The following NBPF8 variants were observed in gnomAD, a reference collection of about 807,000 sequenced individuals.
NBPF8 encodes the protein NBPF family member NBPF8.
chr1:120,464,473 G>A, exon 23 of NBPF8: 1 of 1,025,102 alleles, frequency 9.8e-7, no homozygotes, highest in Non-Finnish European at 1.5e-6. Flanking sequence ...TGAACAGCCT[G>A]ACTCCTGCCA....
chr1:120,465,984 C>A, exon 25 of NBPF8: 2 of 1,611,888 alleles, frequency 1.2e-6, no homozygotes, highest in Non-Finnish European at 8.5e-7. Flanking sequence ...CCAGGCTCAA[C>A]AGCGTGCTGA....
At chr1:120,420,282 C>T (rs1226956571) in intron 1 of NBPF8, among the ~76,000 whole-genome samples, 164 bp downstream of exon 2, 1 of 151,876 alleles carries the variant, frequency 6.6e-6, no homozygotes, top group Non-Finnish European at 1.5e-5. Context: ...AACAAATATT[C>T]ACAGCGTGTG....
At chr1:120,450,522 C>G (rs1661237487) in intron 11 of NBPF8, among the ~76,000 whole-genome samples, 1 of 152,160 alleles carries the variant, frequency 6.6e-6, no homozygotes, top group African/African-American at 2.4e-5. Context: ...TGAGCTATTT[C>G]TTGTCAGTCT....
At chr1:120,450,473 A>G (rs1334704526) in intron 11 of NBPF8, among the ~76,000 whole-genome samples, 12 of 152,080 alleles carry the variant, frequency 7.9e-5, no homozygotes, top group African/African-American at 2.7e-4. Context: ...AGGGTACTAC[A>G]ATAATACCTA....
chr1:120,468,546 G>T (rs1342056505), downstream of NBPF8, among the ~76,000 whole-genome samples: 2 of 150,754 alleles, frequency 1.3e-5, no homozygotes, highest in African/African-American at 4.9e-5. Flanking sequence ...ATTCGATTTT[G>T]TTCTACCAGG....
chr1:120,460,593 A>T, exon 18 of NBPF8: 1 of 1,448,450 alleles, frequency 6.9e-7, no homozygotes, highest in Non-Finnish European at 9.6e-7. Flanking sequence ...GGATCAAGTG[A>T]AAAAGGAGGA....
chr1:120,450,778 C>A (rs1484477173), intron 11 of NBPF8, among the ~76,000 whole-genome samples: 3 of 152,142 alleles, frequency 2.0e-5, no homozygotes, highest in Non-Finnish European at 4.4e-5. Flanking sequence ...GGGAAACCAT[C>A]AGTCCCATAG....
chr1:120,450,429 T>C (rs1398697785), intron 11 of NBPF8, among the ~76,000 whole-genome samples: 6 of 151,932 alleles, frequency 3.9e-5, no homozygotes, highest in Admixed American at 2.0e-4. Context: ...AAGTTGCTTG[T>C]CTTGTCTGTC....
At chr1:120,468,787 G>A (rs1214087034), downstream of NBPF8, among the ~76,000 whole-genome samples, 1,563 of 151,380 alleles carry the variant, frequency 0.01, 17 homozygotes, top group African/African-American at 0.036. Context: ...GCTTTCTGAG[G>A]ATAGTTTTGC....
chr1:120,418,552 A>G (rs1699858), upstream of NBPF8, among the ~76,000 whole-genome samples: 1 of 151,792 alleles, frequency 6.6e-6, no homozygotes, highest in Non-Finnish European at 1.5e-5. Context: ...TACATCGAAC[A>G]ATTTTTTTTT....
upstream of NBPF8, among the ~76,000 whole-genome samples, chr1:120,415,262 C>A (rs1230214251): frequency 1.8e-3 from 278 of 152,308 alleles, 1 homozygote; most frequent in African/African-American, 6.1e-3. Context: ...CGAAGTCCAC[C>A]CAGCGTTTCC....
At chr1:120,465,837 A>G in intron 24 of NBPF8, 141 bp from the exon 23 acceptor site, 1 of 1,563,572 alleles carries the variant, frequency 6.4e-7, no homozygotes, top group South Asian at 1.1e-5. Context: ...TCCCAACATA[A>G]AGGCAATAAT....
intron 1 of NBPF8, among the ~76,000 whole-genome samples, chr1:120,423,240 G>A (rs1216545930): frequency 3.2e-5 from 4 of 126,104 alleles, no homozygotes; most frequent in Non-Finnish European, 6.4e-5. Context: ...TTATCTCTTA[G>A]GATTCTTATG....
At chr1:120,421,078 G>A (rs1249226000) in intron 1 of NBPF8, among the ~76,000 whole-genome samples, 1 of 150,558 alleles carries the variant, frequency 6.6e-6, no homozygotes, top group Admixed American at 6.6e-5. Flanking sequence ...AGGGAAGGTT[G>A]CGGCCTGGTG....
chr1:120,460,525 A>C (rs1553250137), intron 17 of NBPF8, 48 bp from the exon 16 acceptor site: 1 of 1,059,498 alleles, frequency 9.4e-7, no homozygotes, highest in African/African-American at 1.6e-5. Context: ...TTCTGTGTGC[A>C]AGGAAGAACT....
exon 25 of NBPF8, chr1:120,467,657 A>G (rs1268243903): frequency 4.7e-5 from 7 of 147,746 alleles, no homozygotes; most frequent in Admixed American, 3.4e-4. Flanking sequence ...CTGTTGCAAA[A>G]AGAAGAAAAC....
chr1:120,446,075 A>T, intron 8 of NBPF8: 1 of 868,022 alleles, frequency 1.2e-6, no homozygotes, highest in South Asian at 1.4e-5. Context: ...ATGACCCAAA[A>T]CCCCAGGCTT....
At chr1:120,425,378 G>A (rs1297716483) in intron 1 of NBPF8, among the ~76,000 whole-genome samples, 3 of 151,950 alleles carry the variant, frequency 2.0e-5, no homozygotes, top group African/African-American at 2.4e-5. Context: ...GCTCTTTAAG[G>A]CATTGAGATG....
intron 3 of NBPF8, among the ~76,000 whole-genome samples, chr1:120,429,062 AC>A (rs1660797716): frequency 6.6e-6 from 1 of 151,974 alleles, no homozygotes; most frequent in African/African-American, 2.4e-5. Flanking sequence ...GTCTTATGCC[AC>A]TTGGGGCTTG....
Sources: allele counts gnomAD v4.1 joint callset (sites outside exome capture counted in the v4.1 genomes callset), GRCh38; gene constraint gnomAD v4.1.1; transcripts MANE v1.5; gene names NCBI Gene and HGNC (gene_info 2026-07-23, HGNC 2026-07-21).